Variants in GLMN observed in about 807,000 individuals in gnomAD.
The protein encoded by GLMN is glomulin.
Under a neutral mutation model 87.8 loss-of-function variants are expected in GLMN, and 75 were observed. That is an observed-to-expected ratio of 0.85 (90% confidence interval 0.71 to 1.04). GLMN has a LOEUF of 1.04. Ranked by LOEUF, GLMN falls within the 50% of genes least tolerant of loss-of-function variation. The probability of loss-of-function intolerance (pLI) is 0.00; values close to 1 mark genes in which losing one functional copy is unlikely to be tolerated. For synonymous variants in GLMN, 206 were observed against 221.6 expected (o/e 0.93, Z 0.63); for missense variants, 588 against 658.8 (o/e 0.89, Z 1.18).
the GLMN span, among the ~76,000 whole-genome samples, chr1:92,329,652 C>T: frequency 6.6e-6 from 1 of 152,220 alleles, no homozygotes; most frequent in African/African-American, 2.4e-5. Context: ...GTGGGAACTG[C>T]AAGTTAGTCC....
rs370159264 is a variant in GLMN, at chr1:92,246,490, G to T, written c.*40C>A. 5.7e-6 allele frequency: 5 copies of T among 883,992 alleles called. No homozygotes were observed. The highest frequency in any genetic ancestry group is 9.6e-6 in the Non-Finnish European group (5 of 520,480). The allele number at this position is 883,992 out of a possible 1,614,324, so 54.8% of individuals were successfully genotyped here. A position where few individuals can be genotyped will look rare whatever the true frequency, so the allele number is the denominator to read the frequency against. ...GGTATTAAATGAATCATAATGGAAA[G>T]TACTATATTTTATTAGTTTTTATTT... On this transcript the variant is annotated 3_prime_UTR_variant, in exon 19 of 19. Transcript: ENST00000370360.
chr1:92,333,432 C>A, the GLMN span: 1 of 1,613,584 alleles, frequency 6.2e-7, no homozygotes, highest in South Asian at 1.1e-5. Flanking sequence ...GTTCCCAGAA[C>A]CAGATTAGAA....
chr1:92,252,964 A>G (rs1325596599), intron 16 of GLMN, among the ~76,000 whole-genome samples: 1 of 152,164 alleles, frequency 6.6e-6, no homozygotes, highest in African/African-American at 2.4e-5. Context: ...CTACAATGAA[A>G]TTTATTGCCA....
At chr1:92,357,693 A>G in the GLMN span, among the ~76,000 whole-genome samples, 1 of 152,104 alleles carries the variant, frequency 6.6e-6, no homozygotes, top group South Asian at 2.1e-4. Context: ...CACCACACCC[A>G]GCTAATTTTT....
At position 92,266,465 on chromosome 1, in the gene GLMN, G is replaced by C. The variant is rs369175311; in HGVS notation, c.1168C>G (p.Leu390Val). Reference sequence around the variant, plus strand: ...TGTGAATCCAACTTGTTAATATACAGCTGAAGCATAGCTAAACTCTTTTTC... The same window carrying C: ...TGTGAATCCAACTTGTTAATATACACCTGAAGCATAGCTAAACTCTTTTTC... ...LRKKSLAMLQ[L>V]YINKLDSQGK... The change falls in exon 13 of 19, where the codon CTG (leucine) becomes GTG (valine). Residue 390 changes from leucine (L) to valine (V), a missense_variant. Coordinates refer to ENST00000370360, the MANE Select transcript of GLMN (RefSeq NM_053274.3). 6.4e-7 allele frequency: 1 copy of C among 1,573,752 alleles called. No homozygotes were observed. The highest frequency in any genetic ancestry group is 1.4e-5 in the African/African-American group (1 of 74,014).
At chr1:92,364,484 A>C in the GLMN span, among the ~76,000 whole-genome samples, 19 of 152,182 alleles carry the variant, frequency 1.2e-4, no homozygotes, top group African/African-American at 4.6e-4. Context: ...ATCTCTCCTA[A>C]ATCGTAGACC....
At chr1:92,360,726 AT>A in the GLMN span, among the ~76,000 whole-genome samples, 1 of 152,118 alleles carries the variant, frequency 6.6e-6, no homozygotes, top group Admixed American at 6.5e-5. Flanking sequence ...ATTTGGTAAC[AT>A]TTTGCCTCCT....
chr1:92,266,576 C>CAAATGT, intron 12 of GLMN, 84 bp from the exon 13 acceptor site: 3 of 999,388 alleles, frequency 3.0e-6, no homozygotes, highest in Non-Finnish European at 4.7e-6. Flanking sequence ...GCATGTAATA[C>CAAATGT]ATCCACACTT....
intron 7 of GLMN, among the ~76,000 whole-genome samples, chr1:92,272,592 T>A (rs1656353270): frequency 6.6e-6 from 1 of 152,058 alleles, no homozygotes; most frequent in East Asian, 1.9e-4. Context: ...GCAACTAAGA[T>A]GAAGAATACT....
chr1:92,352,872 C>T, the GLMN span, among the ~76,000 whole-genome samples: 1 of 152,296 alleles, frequency 6.6e-6, no homozygotes, highest in East Asian at 1.9e-4. Flanking sequence ...TTCCTCTAGT[C>T]CTCTGGCAAC....
intron 3 of GLMN, among the ~76,000 whole-genome samples, chr1:92,294,308 C>A (rs577794628): frequency 6.6e-6 from 1 of 152,124 alleles, no homozygotes; most frequent in South Asian, 2.1e-4. Context: ...CCTATAATAC[C>A]TCATCTTGAC....
At chr1:92,272,318 G>A (rs1025268498) in intron 7 of GLMN, among the ~76,000 whole-genome samples, 1 of 152,084 alleles carries the variant, frequency 6.6e-6, no homozygotes, top group African/African-American at 2.4e-5. Flanking sequence ...AGATAACAAA[G>A]GTATGCTGTT....
At chr1:92,323,063 T>TTA in the GLMN span, among the ~76,000 whole-genome samples, 6 of 146,212 alleles carry the variant, frequency 4.1e-5, no homozygotes, top group Non-Finnish European at 7.5e-5. Flanking sequence ...TATATATACT[T>TTA]TATATATATA....
At chr1:92,252,067 G>C (rs1653590825) in intron 16 of GLMN, among the ~76,000 whole-genome samples, 1 of 151,872 alleles carries the variant, frequency 6.6e-6, no homozygotes, top group African/African-American at 2.4e-5. Flanking sequence ...CAAAGTGCTG[G>C]GATTACAGTG....
At chr1:92,361,390 T>C in the GLMN span, among the ~76,000 whole-genome samples, 1 of 152,180 alleles carries the variant, frequency 6.6e-6, no homozygotes, top group African/African-American at 2.4e-5. Context: ...TGAATATTTG[T>C]TGATACATCA....
At chr1:92,310,414 G>A in the GLMN span, among the ~76,000 whole-genome samples, 22 of 152,096 alleles carry the variant, frequency 1.4e-4, no homozygotes, top group Admixed American at 1.3e-4. Context: ...TTTAAAGAAT[G>A]TCTGTTTACA....
At chr1:92,257,320 G>A (rs541579180) in intron 16 of GLMN, among the ~76,000 whole-genome samples, 107 of 152,150 alleles carry the variant, frequency 7.0e-4, no homozygotes, top group Non-Finnish European at 1.1e-3. Flanking sequence ...TGGCCATACC[G>A]CCCAAAGTAA....
chr1:92,276,290 ATAT>A lies in GLMN; in HGVS notation c.736-4641_736-4639del, dbSNP rs751563486. On this transcript the variant is annotated intron_variant, in intron 7 of 18. Coordinates refer to ENST00000370360, the MANE Select transcript of GLMN (RefSeq NM_053274.3). ...AATATACATATATTTACATATTAAAATATTATATTTTAAATTCCTTAAAAACCT... is the reference window on the plus strand; with the variant it reads ...AATATACATATATTTACATATTAAAATATATTTTAAATTCCTTAAAAACCT... Among the ~76,000 whole-genome samples, 9 of 151,930 alleles carry A rather than the reference ATAT, an allele frequency of 5.9e-5. No individual in the cohort carries two copies. The East Asian group carries it at 1.4e-3, about 23-fold the overall frequency.
chr1:92,365,267 A>G, the GLMN span, among the ~76,000 whole-genome samples: 4 of 152,242 alleles, frequency 2.6e-5, no homozygotes, highest in Non-Finnish European at 4.4e-5. Context: ...ATTTCTTCCA[A>G]AAGTGTAGTT....
Sources: gnomAD v4.1 joint callset for allele counts (sites outside exome capture counted in the v4.1 genomes callset) on GRCh38, gnomAD v4.1.1 for gene constraint, MANE v1.5 for transcripts, NCBI Gene and HGNC (gene_info 2026-07-23, HGNC 2026-07-21) for gene names.